Variants in GRM5 observed in about 807,000 individuals in gnomAD.
GRM5 encodes the protein metabotropic glutamate receptor 5.
Under a neutral mutation model 83.1 loss-of-function variants are expected in GRM5, and 19 were observed. The ratio of observed to expected loss-of-function variants is 0.23; its 90% confidence interval spans 0.16 to 0.34. The LOEUF is 0.34. Ranked by LOEUF, GRM5 falls within the 10% of genes least tolerant of loss-of-function variation. GRM5 has a pLI of 1.00. For missense variants in GRM5, 1,160 were observed against 1,588.3 expected, an observed-to-expected ratio of 0.73 and a Z score of 4.58; for synonymous variants, 675 against 633.6, an observed-to-expected ratio of 1.07 and a Z score of -0.98.
In GRM5 at chr11:88,800,042, T is replaced by G. The variant is rs571127456; in HGVS notation, c.911+49864A>C. Among the ~76,000 whole-genome samples the G allele has an allele frequency of 5.3e-5, 8 of 152,054 alleles. No homozygotes were observed. In the South Asian group the frequency reaches 1.5e-3, roughly 28 times the overall value. ...TTGAAAGAAAAATCTAAGAAGCAAT[T>G]TCTGAAACAGCCCCACAGGGAGTTT... On this transcript the variant is annotated intron_variant, in intron 3 of 9. Transcript: ENST00000305447.
intron 3 of GRM5, among the ~76,000 whole-genome samples, chr11:88,688,289 T>C (rs1399920476): frequency 6.6e-6 from 1 of 152,230 alleles, no homozygotes; most frequent in Non-Finnish European, 1.5e-5. Flanking sequence ...AGTTATTATA[T>C]AATCTCTTTC....
At chr11:88,994,086 TC>T (rs200611147) in intron 2 of GRM5, among the ~76,000 whole-genome samples, 43 of 148,854 alleles carry the variant, frequency 2.9e-4, no homozygotes, top group African/African-American at 1.1e-3. Context: ...CAATGAACCA[TC>T]CCCCCCAAAA....
At chr11:88,744,117 C>T (rs1307093493) in intron 3 of GRM5, among the ~76,000 whole-genome samples, 3 of 152,230 alleles carry the variant, frequency 2.0e-5, no homozygotes, top group African/African-American at 7.2e-5. Context: ...TTCCTAAGGT[C>T]TAAATTTAAA....
At chr11:88,801,138 G>T (rs369255834) in intron 3 of GRM5, among the ~76,000 whole-genome samples, 3 of 152,136 alleles carry the variant, frequency 2.0e-5, no homozygotes, top group South Asian at 4.2e-4. Flanking sequence ...CAGATTTAGG[G>T]ATTCCATAAA....
chr11:88,730,848 C>A (rs1024515551), intron 3 of GRM5, among the ~76,000 whole-genome samples: 2 of 151,932 alleles, frequency 1.3e-5, no homozygotes, highest in Admixed American at 1.3e-4. Flanking sequence ...GAGGGGAACA[C>A]CATACACTGG....
intron 2 of GRM5, among the ~76,000 whole-genome samples, chr11:88,935,657 C>T (rs140831873): frequency 7.2e-4 from 109 of 151,988 alleles, no homozygotes; most frequent in Middle Eastern, 3.4e-3. Context: ...GGATAAGACT[C>T]GTGTTCCAGC....
intron 2 of GRM5, among the ~76,000 whole-genome samples, chr11:88,970,525 A>G (rs909674041): frequency 2.0e-5 from 3 of 152,204 alleles, no homozygotes; most frequent in Middle Eastern, 3.2e-3. Flanking sequence ...CTTACTCTGT[A>G]CATAGGAAGA....
chr11:88,633,223 A>G (rs1939027874), intron 4 of GRM5, among the ~76,000 whole-genome samples: 1 of 152,184 alleles, frequency 6.6e-6, no homozygotes, highest in Non-Finnish European at 1.5e-5. Context: ...CATTTTGCTC[A>G]TTTTAAAAAC....
intron 4 of GRM5, among the ~76,000 whole-genome samples, chr11:88,651,311 G>A (rs1170799338): frequency 6.6e-6 from 1 of 152,058 alleles, no homozygotes; most frequent in East Asian, 1.9e-4. Flanking sequence ...AATAAAGAAA[G>A]AGGGTGCAGG....
intron 2 of GRM5, among the ~76,000 whole-genome samples, chr11:88,958,336 C>T (rs1359768442): frequency 1.3e-5 from 2 of 151,084 alleles, no homozygotes; most frequent in East Asian, 3.9e-4. Flanking sequence ...TCATAATTAT[C>T]ATTTTCTGCT....
intron 4 of GRM5, among the ~76,000 whole-genome samples, chr11:88,618,331 C>A (rs2927495): frequency 0.99 from 151,419 of 152,330 alleles, 75,267 homozygotes; most frequent in East Asian, 1. Context: ...AGAGCCCAGA[C>A]ACTTTTACTA....
At chr11:88,747,525 G>C (rs1224114757) in intron 3 of GRM5, among the ~76,000 whole-genome samples, 1 of 152,084 alleles carries the variant, frequency 6.6e-6, no homozygotes, top group Non-Finnish European at 1.5e-5. Flanking sequence ...CTAGATGATA[G>C]ATACACACAG....
rs144199099 is a variant in GRM5 at position 88,801,558 on chromosome 11, G to A, written c.911+48348C>T. On this transcript the variant is annotated intron_variant, in intron 3 of 9. Coordinates refer to ENST00000305447, the MANE Select transcript of GRM5 (RefSeq NM_001143831.3). ...TATCTACTTGTAAATAATCATCCAT[G>A]CAAGGGTTATTAGCATCAAATTAAG... Among the ~76,000 whole-genome samples the A allele has an allele frequency of 7.9e-5, 12 of 152,158 alleles. No homozygotes were observed. The East Asian group carries it at 2.3e-3, about 29-fold the overall frequency.
intron 3 of GRM5, among the ~76,000 whole-genome samples, chr11:88,655,043 A>T (rs1939731919): frequency 6.6e-6 from 1 of 152,106 alleles, no homozygotes; most frequent in Non-Finnish European, 1.5e-5. Flanking sequence ...AAAAATAAAC[A>T]GAAAGAACAC....
chr11:88,540,781 T>A (rs932673574), intron 8 of GRM5, among the ~76,000 whole-genome samples: 1 of 152,038 alleles, frequency 6.6e-6, no homozygotes, highest in African/African-American at 2.4e-5. Flanking sequence ...CGCTCTGTCA[T>A]CCAGGCTGGA....
intron 8 of GRM5, among the ~76,000 whole-genome samples, chr11:88,530,467 T>C (rs2135116291): frequency 6.6e-6 from 1 of 152,180 alleles, no homozygotes; most frequent in South Asian, 2.1e-4. Flanking sequence ...CTTCTTCTTG[T>C]ACCTTCTTTG....
chr11:88,966,875 C>T (rs1022829807), intron 2 of GRM5, among the ~76,000 whole-genome samples: 1 of 152,062 alleles, frequency 6.6e-6, no homozygotes, highest in African/African-American at 2.4e-5. Context: ...AGTGTTTTCT[C>T]CTCTCATGGA....
At position 88,508,940 on chromosome 11, in the gene GRM5, G is replaced by A; in HGVS notation, c.3291C>T (p.Tyr1097=). The stretch of plus-strand genomic sequence containing the variant: ...GCAACTGGATCTCTTTGGGGATCAG[G>A]TAGGACGAGCAGAGCGGGGCGCCGA... ...PGVGAPLCSS[Y]LIPKEIQLPT... The change falls in exon 10 of 10, where the codon TAC becomes TAT. Residue 1097 remains tyrosine (Y), a synonymous_variant. Transcript: ENST00000305447. This position sits in a 1 kb window ranked among gnomAD's most constrained non-coding sequence, Gnocchi z 4.2. The A allele has an allele frequency of 6.3e-7, 1 of 1,599,080 alleles. No individual in the cohort carries two copies. The highest frequency in any genetic ancestry group is 8.5e-7 in the Non-Finnish European group (1 of 1,173,188).
At chr11:88,750,991 A>T (rs1942256362) in intron 3 of GRM5, among the ~76,000 whole-genome samples, 1 of 151,308 alleles carries the variant, frequency 6.6e-6, no homozygotes, top group African/African-American at 2.4e-5. Flanking sequence ...TTCACATCTC[A>T]ACTAAAAGAA....
Sources: allele counts gnomAD v4.1 joint callset (sites outside exome capture counted in the v4.1 genomes callset), GRCh38; gene constraint gnomAD v4.1.1; non-coding constraint Gnocchi (gnomAD v3.1); transcripts MANE v1.5; gene names NCBI Gene and HGNC (gene_info 2026-07-23, HGNC 2026-07-21).